PCDH15: variants seen among roughly 807,000 people sequenced by gnomAD.
PCDH15 encodes the protein protocadherin-15.
In PCDH15, 129 loss-of-function variants were observed where a neutral mutation model predicts 178.5. The ratio of observed to expected loss-of-function variants is 0.72; its 90% CI spans 0.63 to 0.84. The LOEUF (loss-of-function observed/expected upper bound fraction) is 0.84, where lower values mean the gene tolerates loss of function less well. PCDH15 is among the 40% of genes least tolerant of loss of function. The pLI, the probability that PCDH15 is intolerant of heterozygous loss-of-function variation, is 0.00. For synonymous variants in PCDH15, 800 were observed against 732.0 expected, an observed-to-expected ratio of 1.09 and a Z score of -1.50; for missense variants, 2,230 against 2,099.9, an observed-to-expected ratio of 1.06 and a Z score of -1.21.
At chr10:55,332,622 T>C (rs1844232289) in intron 2 of PCDH15, among the ~76,000 whole-genome samples, 1 of 152,158 alleles carries the variant, frequency 6.6e-6, no homozygotes, top group African/African-American at 2.4e-5. Context: ...TCTTGAACTG[T>C]AGCTCCCACA....
At chr10:54,398,278 G>A (rs1390931314) in intron 3 of PCDH15, among the ~76,000 whole-genome samples, 1 of 151,364 alleles carries the variant, frequency 6.6e-6, no homozygotes, top group Admixed American at 6.6e-5. Flanking sequence ...AAGAAAATAA[G>A]CCTTTAAGTG....
chr10:54,551,796 G>A (rs1041807875), intron 2 of PCDH15, among the ~76,000 whole-genome samples: 1 of 151,838 alleles, frequency 6.6e-6, no homozygotes, highest in African/African-American at 2.4e-5. Flanking sequence ...AAAATAGTAT[G>A]TATTCCTAAA....
chr10:55,252,323 C>A (rs560567946), intron 1 of PCDH15, among the ~76,000 whole-genome samples: 1 of 152,182 alleles, frequency 6.6e-6, no homozygotes, highest in African/African-American at 2.4e-5. Context: ...TCCAACCATT[C>A]TTCAGTTATA....
rs530826789 is a variant in PCDH15 at position 55,251,599 on chromosome 10, T to G, written c.-156+68000A>C. On this transcript the variant is annotated intron_variant, in intron 1 of 5. Coordinates refer to the PCDH15 transcript ENST00000458638. ...CACTTTTTGAAGGACATCGCCTATA[T>G]TTTTAGTTTTGGGCTATAACAATGA... Among the ~76,000 whole-genome samples the G allele has an allele frequency of 2.2e-3, 337 of 152,280 alleles. 3 individuals carry two copies. Among genetic ancestry groups the G allele is most frequent in the African/African-American group, 7.7e-3 (319 of 41,554 alleles).
At chr10:53,946,332 G>A (rs534977314) in intron 23 of PCDH15, among the ~76,000 whole-genome samples, 1 of 152,234 alleles carries the variant, frequency 6.6e-6, no homozygotes, top group South Asian at 2.1e-4. Context: ...CTTAGGATCA[G>A]TTATTAGTGA....
chr10:54,159,763 T>C (rs1419335465), intron 13 of PCDH15, among the ~76,000 whole-genome samples: 1 of 152,144 alleles, frequency 6.6e-6, no homozygotes, highest in Non-Finnish European at 1.5e-5. Flanking sequence ...TGTATAGAAA[T>C]AATATTGAAT....
At chr10:55,283,498 T>C (rs537892426) in intron 1 of PCDH15, among the ~76,000 whole-genome samples, 2 of 152,020 alleles carry the variant, frequency 1.3e-5, no homozygotes, top group South Asian at 4.2e-4. Context: ...AAATTGGCTC[T>C]GTCAAGGCAG....
intron 3 of PCDH15, among the ~76,000 whole-genome samples, chr10:54,889,831 C>A (rs1332215876): frequency 6.6e-6 from 1 of 151,480 alleles, no homozygotes; most frequent in East Asian, 1.9e-4. Flanking sequence ...TTTTATTGTG[C>A]GAATAACCCT....
intron 2 of PCDH15, among the ~76,000 whole-genome samples, chr10:55,052,449 C>T (rs1232828491): frequency 1.4e-5 from 2 of 148,006 alleles, no homozygotes; most frequent in Non-Finnish European, 3.0e-5. Flanking sequence ...CCTGTAATCC[C>T]AGCACTTTGG....
chr10:54,616,796 T>C (rs77743618), intron 2 of PCDH15, among the ~76,000 whole-genome samples: 1 of 152,068 alleles, frequency 6.6e-6, no homozygotes, highest in East Asian at 1.9e-4. Context: ...TTCAGCTACA[T>C]GGAGGCTATA....
chr10:55,053,608 G>T (rs1446473607), intron 2 of PCDH15, among the ~76,000 whole-genome samples: 1 of 152,116 alleles, frequency 6.6e-6, no homozygotes, highest in Non-Finnish European at 1.5e-5. Flanking sequence ...GATCTCATTG[G>T]CTTTGTATTG....
chr10:55,188,357 C>G lies in PCDH15; in HGVS notation c.-155-21706G>C, dbSNP rs151121562. 6.2e-3 allele frequency among the ~76,000 whole-genome samples: 941 copies of G among 151,860 alleles called. 9 individuals carry two copies. Among genetic ancestry groups the G allele is most frequent in the South Asian group, 0.02 (97 of 4,810 alleles). On this transcript the variant is annotated intron_variant, in intron 1 of 5. Coordinates refer to the PCDH15 transcript ENST00000458638. ...AAAAGTAATAGTTAAAAGAGTCACT[C>G]TATTTCTTAAATATCATTATTTTAT... is the stretch of plus-strand genomic sequence containing the variant.
At chr10:54,514,258 ATC>A (rs1204012002) in intron 3 of PCDH15, among the ~76,000 whole-genome samples, 2 of 152,266 alleles carry the variant, frequency 1.3e-5, no homozygotes, top group East Asian at 1.9e-4. Context: ...AAATAAATTA[ATC>A]TCTGATTCCT....
chr10:54,524,892 A>C (rs1216938290), intron 3 of PCDH15, among the ~76,000 whole-genome samples: 1 of 152,204 alleles, frequency 6.6e-6, no homozygotes, highest in Non-Finnish European at 1.5e-5. Flanking sequence ...TGAATCTGTC[A>C]TTAAGGTGCT....
intron 3 of PCDH15, among the ~76,000 whole-genome samples, chr10:54,843,193 A>C (rs548530327): frequency 1.3e-5 from 2 of 152,002 alleles, no homozygotes; most frequent in East Asian, 3.9e-4. Context: ...GGCTTCATGA[A>C]CTTTAGGGAG....
At chr10:54,226,343 A>G (rs1358558233) in intron 9 of PCDH15, among the ~76,000 whole-genome samples, 2 of 152,196 alleles carry the variant, frequency 1.3e-5, no homozygotes, top group Non-Finnish European at 2.9e-5. Flanking sequence ...AGCAACGGAA[A>G]GACTTGCCAC....
At chr10:54,887,671 A>T (rs1482704619) in intron 3 of PCDH15, among the ~76,000 whole-genome samples, 1 of 152,130 alleles carries the variant, frequency 6.6e-6, no homozygotes, top group East Asian at 1.9e-4. Context: ...TTGAAAATTA[A>T]TAGGTGTTTC....
At chr10:55,053,052 T>C (rs1435553053) in intron 2 of PCDH15, among the ~76,000 whole-genome samples, 7 of 152,170 alleles carry the variant, frequency 4.6e-5, no homozygotes, top group Admixed American at 4.6e-4. Flanking sequence ...TAAACGTACA[T>C]GACAAGAACC....
chr10:54,330,381 C>T (rs532330195), intron 6 of PCDH15, among the ~76,000 whole-genome samples: 2 of 151,916 alleles, frequency 1.3e-5, no homozygotes, highest in African/African-American at 2.4e-5. Flanking sequence ...ATGCTATAGG[C>T]AATTGTAACA....
Sources: allele counts gnomAD v4.1 joint callset (sites outside exome capture counted in the v4.1 genomes callset), GRCh38; gene constraint gnomAD v4.1.1; transcripts MANE v1.5; gene names NCBI Gene and HGNC (gene_info 2026-07-23, HGNC 2026-07-21).